The following SDHAF4 variants were observed in gnomAD, a reference collection of about 807,000 sequenced individuals.
SDHAF4 encodes succinate dehydrogenase assembly factor 4, mitochondrial.
In SDHAF4, 14 loss-of-function variants were observed where a neutral mutation model predicts 14.3. That is an observed-to-expected ratio of 0.98 (90% CI 0.65 to 1.53). SDHAF4 has a LOEUF of 1.53. Ranked by LOEUF, SDHAF4 falls within the 40% of genes most tolerant of loss-of-function variation. The pLI, the probability that SDHAF4 is intolerant of heterozygous loss-of-function variation, is 0.00. For synonymous variants in SDHAF4, 63 were observed against 47.3 expected (o/e 1.33, Z -1.36); for missense variants, 141 against 129.3 (o/e 1.09, Z -0.44).
At position 70,567,017 on chromosome 6, in the gene SDHAF4, C is replaced by T. The variant is rs1428897670; in HGVS notation, c.64+13C>T. ...TGGAGAGCGGCAAGTAAGCACCTGGCCTCGGGGCCACGGTCGCGGGAGGGG... is the reference window on the plus strand; with the variant it reads ...TGGAGAGCGGCAAGTAAGCACCTGGTCTCGGGGCCACGGTCGCGGGAGGGG... On this transcript the variant is annotated intron_variant, in intron 1 of 2. Transcript: ENST00000370474. 1 of 1,578,054 alleles carries T rather than the reference C, an allele frequency of 6.3e-7. No homozygotes were observed. Among genetic ancestry groups the T allele is most frequent in the Non-Finnish European group, 8.6e-7 (1 of 1,161,924 alleles).
At chr6:70,583,462 C>G (rs904546030) in intron 2 of SDHAF4, among the ~76,000 whole-genome samples, 1 of 152,098 alleles carries the variant, frequency 6.6e-6, no homozygotes, top group South Asian at 2.1e-4. Flanking sequence ...GGAGACATTT[C>G]AAAATACCTG....
At chr6:70,583,149 G>T (rs1242946380) in intron 2 of SDHAF4, among the ~76,000 whole-genome samples, 3 of 152,214 alleles carry the variant, frequency 2.0e-5, no homozygotes, top group Non-Finnish European at 2.9e-5. Flanking sequence ...GTCTCGCTCT[G>T]TCACCCAGGC....
chr6:70,589,764 A>T (rs1765242321), downstream of SDHAF4, among the ~76,000 whole-genome samples: 2 of 152,168 alleles, frequency 1.3e-5, no homozygotes, highest in Non-Finnish European at 2.9e-5. Context: ...TAACTTATTT[A>T]ACTTCTCTGT....
chr6:70,572,789 T>A (rs1316159207), intron 1 of SDHAF4, among the ~76,000 whole-genome samples: 1 of 152,176 alleles, frequency 6.6e-6, no homozygotes, highest in South Asian at 2.1e-4. Context: ...ATTACATTCC[T>A]CTGTTCAGAC....
At chr6:70,585,942 A>G (rs1386789532) in intron 2 of SDHAF4, among the ~76,000 whole-genome samples, 1 of 152,188 alleles carries the variant, frequency 6.6e-6, no homozygotes, top group African/African-American at 2.4e-5. Flanking sequence ...TAAAAGCCGT[A>G]TGCCTTTTCT....
chr6:70,588,485 A>C, intron 2 of SDHAF4, 130 bp from the exon 3 acceptor site: 1 of 434,850 alleles, frequency 2.3e-6, no homozygotes, highest in East Asian at 3.5e-5. Context: ...ACGCCACTGC[A>C]ATCCAGCCTG....
chr6:70,574,205 C>T (rs1297402850), intron 1 of SDHAF4, among the ~76,000 whole-genome samples: 3 of 151,904 alleles, frequency 2.0e-5, no homozygotes, highest in South Asian at 2.1e-4. Context: ...CCTGTAATCC[C>T]AGCTATTGGG....
intron 1 of SDHAF4, among the ~76,000 whole-genome samples, chr6:70,568,059 G>T (rs552873819): frequency 1.3e-3 from 196 of 152,266 alleles, no homozygotes; most frequent in African/African-American, 4.6e-3. Context: ...GCCCTCAAAT[G>T]GTGCCAGATT....
intron 1 of SDHAF4, 98 bp downstream of exon 1, chr6:70,567,102 G>T: frequency 8.2e-7 from 1 of 1,224,340 alleles, no homozygotes. Flanking sequence ...GTGTGTCCTG[G>T]CCGTTCGGTG....
intron 1 of SDHAF4, among the ~76,000 whole-genome samples, chr6:70,576,155 T>G (rs1802252878): frequency 6.6e-6 from 1 of 152,202 alleles, no homozygotes; most frequent in South Asian, 2.1e-4. Flanking sequence ...TGCACACACT[T>G]GTGTCGAAAG....
At chr6:70,577,214 T>G (rs1802267087) in intron 1 of SDHAF4, among the ~76,000 whole-genome samples, 1 of 152,184 alleles carries the variant, frequency 6.6e-6, no homozygotes, top group Non-Finnish European at 1.5e-5. Context: ...GTCATCTGAT[T>G]AGCCACCTTA....
the SDHAF4 span, among the ~76,000 whole-genome samples, chr6:70,595,151 T>G: frequency 9.2e-5 from 14 of 152,158 alleles, no homozygotes; most frequent in Non-Finnish European, 1.0e-4. Flanking sequence ...GGACAGGAAC[T>G]GCTGGGCTCC....
chr6:70,578,762 G>C (rs1448308992), intron 1 of SDHAF4, among the ~76,000 whole-genome samples: 1 of 152,198 alleles, frequency 6.6e-6, no homozygotes, highest in African/African-American at 2.4e-5. Context: ...TGTATGTGGT[G>C]ACAAATAGGG....
At position 70,572,280 on chromosome 6, in the gene SDHAF4, G is replaced by A. The variant is rs189370167; in HGVS notation, c.64+5276G>A. On this transcript the variant is annotated intron_variant, in intron 1 of 2. Coordinates refer to ENST00000370474, the MANE Select transcript of SDHAF4 (RefSeq NM_145267.3). Reference sequence around the variant, plus strand: ...AGGTTTCACCATGTTGGCCAGGCTGGAACACTTTCAGTCTTTTCAGAGCAC... The same window carrying A: ...AGGTTTCACCATGTTGGCCAGGCTGAAACACTTTCAGTCTTTTCAGAGCAC... Among the ~76,000 whole-genome samples the A allele has an allele frequency of 1.8e-3, 271 of 151,682 alleles. 2 individuals are homozygous for A. The highest frequency in any genetic ancestry group is 0.014 in the Middle Eastern group (4 of 294).
chr6:70,574,185 G>A (rs1802220897), intron 1 of SDHAF4, among the ~76,000 whole-genome samples: 1 of 151,996 alleles, frequency 6.6e-6, no homozygotes, highest in Admixed American at 6.5e-5. Flanking sequence ...ACTGGGCATG[G>A]TGGCACATGC....
In SDHAF4 at chr6:70,568,962, C is replaced by CTTTTTTTTTTT. The variant is rs5877254; in HGVS notation, c.64+1969_64+1979dup. 4.8e-4 allele frequency among the ~76,000 whole-genome samples: 47 copies of CTTTTTTTTTTT among 97,986 alleles called. 2 individuals carry two copies. Among genetic ancestry groups the CTTTTTTTTTTT allele is most frequent in the East Asian group, 6.0e-4 (2 of 3,344 alleles). The allele number at this position is 97,986 out of a possible 152,430, so 64.3% of individuals were successfully genotyped here. On this transcript the variant is annotated intron_variant, in intron 1 of 2. Transcript: ENST00000370474. Reference sequence around the variant, plus strand: ...TTTGTGAAATACCTCTTTCTTTTTTCTTTTTTTTTTTTTTTTTTTTTGAGG... The same window carrying CTTTTTTTTTTT: ...TTTGTGAAATACCTCTTTCTTTTTTCTTTTTTTTTTTTTTTTTTTTTTTTTTTTTTTTGAGG...
downstream of SDHAF4, among the ~76,000 whole-genome samples, chr6:70,590,496 A>G (rs995883703): frequency 2.0e-5 from 3 of 152,196 alleles, no homozygotes; most frequent in Non-Finnish European, 2.9e-5. Flanking sequence ...TAGTATGTTA[A>G]TGAGCATATA....
chr6:70,583,358 C>A (rs1309913694), intron 2 of SDHAF4, among the ~76,000 whole-genome samples: 1 of 152,170 alleles, frequency 6.6e-6, no homozygotes, highest in Non-Finnish European at 1.5e-5. Context: ...GGTGATCCAC[C>A]TGCCTTGGCC....
intron 1 of SDHAF4, among the ~76,000 whole-genome samples, chr6:70,569,189 C>T (rs1292015689): frequency 3.3e-5 from 5 of 151,832 alleles, no homozygotes; most frequent in Admixed American, 1.3e-4. Context: ...TGGTCTCGAT[C>T]TCCTGACCTC....
Sources: gnomAD v4.1 joint callset for allele counts (sites outside exome capture counted in the v4.1 genomes callset) on GRCh38, gnomAD v4.1.1 for gene constraint, MANE v1.5 for transcripts, NCBI Gene and HGNC (gene_info 2026-07-23, HGNC 2026-07-21) for gene names.